Variants in TTC5 observed in about 807,000 individuals in gnomAD.
TTC5 encodes tetratricopeptide repeat domain 5.
Under a neutral mutation model 57.4 loss-of-function variants are expected in TTC5, and 46 were observed. The ratio of observed to expected loss-of-function variants is 0.80; its 90% CI spans 0.63 to 1.03. The LOEUF is 1.03. Among genes scored for constraint, TTC5 ranks in the 50% least tolerant of loss-of-function variants. The pLI is 0.00. For missense variants in TTC5, 504 were observed against 528.1 expected (o/e 0.95, Z 0.45); for synonymous variants, 190 against 203.5 (o/e 0.93, Z 0.57).
chr14:20,289,838 A>T, intron 9 of TTC5, 92 bp from the exon 10 acceptor site: 1 of 1,358,050 alleles, frequency 7.4e-7, no homozygotes, highest in Non-Finnish European at 9.9e-7. Flanking sequence ...TTTCTGCACC[A>T]CCTCCCCTGT....
At chr14:20,296,327 C>T in intron 6 of TTC5, 63 bp downstream of exon 6, 1 of 1,315,438 alleles carries the variant, frequency 7.6e-7, no homozygotes, top group African/African-American at 1.4e-5. Context: ...GTTATCCTCA[C>T]AAGCTAAGAC....
chr14:20,298,620 CA>C (rs1240957738), intron 5 of TTC5, among the ~76,000 whole-genome samples, 176 bp downstream of exon 5: 1 of 152,130 alleles, frequency 6.6e-6, no homozygotes, highest in Non-Finnish European at 1.5e-5. Context: ...TCCTAACACT[CA>C]AGTTATAAGA....
chr14:20,295,743 A>G lies in TTC5; in HGVS notation c.808T>C (p.Phe270Leu), dbSNP rs1594263847. ...PRQREQQLLE[F>L]LDRLTSLLES... The stretch of plus-strand genomic sequence containing the variant: ...AGGAGGCTGGTTAATCTATCCAGGA[A>G]TTCCAGAAGTTGTTGCTCTCGTTGC... The change falls in exon 7 of 10, where the codon TTC (phenylalanine) becomes CTC (leucine). Residue 270 changes from phenylalanine (F) to leucine (L), a missense_variant. Phe to Leu is a conservative substitution (Grantham distance 22). Transcript: ENST00000258821. 1 of 1,613,822 alleles carries G rather than the reference A, an allele frequency of 6.2e-7. No individual in the cohort carries two copies. The highest frequency in any genetic ancestry group is 8.5e-7 in the Non-Finnish European group (1 of 1,179,970).
intron 9 of TTC5, among the ~76,000 whole-genome samples, chr14:20,291,360 G>T (rs1362813562): frequency 6.6e-6 from 1 of 152,112 alleles, no homozygotes; most frequent in Non-Finnish European, 1.5e-5. Context: ...GCCCAGCCTA[G>T]AAACCATTAT....
Position 20,289,662 on chromosome 14 carries a change from C to T in TTC5, c.1288G>A (p.Val430Ile). ...GKPQGSSSQA[V>I]ATVASRPQCE ...TGTGGTCGCGATGCCACTGTGGCAA[C>T]AGCCTGGCTGCTGGATCCCTGAGGC... The change falls in exon 10 of 10, where the codon GTT (valine) becomes ATT (isoleucine). Residue 430 changes from valine to isoleucine, a missense_variant. Physicochemically the swap from Val to Ile is conservative, Grantham distance 29 (BLOSUM62 3). Transcript: ENST00000258821. 1.2e-6 allele frequency: 2 copies of T among 1,613,738 alleles called. No individual in the cohort carries two copies. The highest frequency in any genetic ancestry group is 8.5e-7 in the Non-Finnish European group (1 of 1,179,726).
In TTC5 at chr14:20,292,069, C is replaced by G; in HGVS notation, c.1117G>C (p.Val373Leu). Residue 373 changes from valine to leucine, a missense_variant, in exon 9 of 10, where the codon GTG becomes CTG. By Grantham distance (32) the Val-to-Leu change is conservative. Transcript: ENST00000258821. ...CCAATGAGCACTCCCCAGCTCTGCACTATATTGTACACCATCACTGCATAG... is the reference window on the plus strand; with the variant it reads ...CCAATGAGCACTCCCCAGCTCTGCAGTATATTGTACACCATCACTGCATAG... ...PCYAVMVYNI[V>L]QSWGVLIGDS... The G allele has an allele frequency of 6.2e-7, 1 of 1,600,360 alleles. No individual in the cohort carries two copies. Among genetic ancestry groups the G allele is most frequent in the Non-Finnish European group, 8.5e-7 (1 of 1,173,462 alleles).
At chr14:20,305,086 T>C (rs911001804) in intron 1 of TTC5, among the ~76,000 whole-genome samples, 2 of 152,196 alleles carry the variant, frequency 1.3e-5, no homozygotes, top group Non-Finnish European at 2.9e-5. Context: ...GGGAATAAAA[T>C]GAAGTTAATC....
In TTC5 at chr14:20,286,897, A is replaced by G. The variant is rs1881849539; in HGVS notation, c.*2730T>C. On this transcript the variant is annotated 3_prime_UTR_variant, in exon 10 of 10. Transcript: ENST00000258821. Reference sequence around the variant, plus strand: ...TAGTGGCTTCTAAATATATGAAAAGATGCTCAAGCTCATTAATAATCAGAA... The same window carrying G: ...TAGTGGCTTCTAAATATATGAAAAGGTGCTCAAGCTCATTAATAATCAGAA... 6.6e-6 allele frequency: 1 copy of G among 152,170 alleles called. No individual in the cohort carries two copies. The highest frequency in any genetic ancestry group is 2.1e-4 in the South Asian group (1 of 4,818). 9.4% of individuals were successfully genotyped at this position (152,170 alleles called of 1,614,324 possible).
At chr14:20,302,054 G>A in intron 1 of TTC5, 89 bp from the exon 2 acceptor site, 3 of 1,418,216 alleles carry the variant, frequency 2.1e-6, no homozygotes. Context: ...TCTTGGTCTA[G>A]AAATACCAAT....
chr14:20,293,949 G>A (rs903765447), intron 8 of TTC5: 7 of 152,298 alleles, frequency 4.6e-5, no homozygotes, highest in African/African-American at 1.7e-4. Flanking sequence ...ATGAAGCTTG[G>A]GCTGGAGATA....
intron 1 of TTC5, among the ~76,000 whole-genome samples, chr14:20,303,002 G>T (rs1448994329): frequency 2.6e-5 from 4 of 151,842 alleles, no homozygotes; most frequent in African/African-American, 9.7e-5. Flanking sequence ...AACCATCCTG[G>T]CCATCATGGT....
intron 4 of TTC5, 45 bp downstream of exon 4, chr14:20,299,253 A>C: frequency 6.3e-7 from 1 of 1,595,332 alleles, no homozygotes; most frequent in South Asian, 1.1e-5. Flanking sequence ...CTGATTGAAA[A>C]CATCTGCTCT....
chr14:20,288,235 A>C lies in TTC5; in HGVS notation c.*1392T>G, dbSNP rs1004376962. 3 of 152,238 alleles carry C rather than the reference A, an allele frequency of 2.0e-5. No homozygotes were observed. Among genetic ancestry groups the C allele is most frequent in the African/African-American group, 7.2e-5 (3 of 41,466 alleles). The allele number at this position is 152,238 out of a possible 1,614,324, so 9.4% of individuals were successfully genotyped here. ...TAGATAGATAAAACTTCTCTCATCAATGCATTTCTACCATCCATTCTCTGA... is the reference window on the plus strand; with the variant it reads ...TAGATAGATAAAACTTCTCTCATCACTGCATTTCTACCATCCATTCTCTGA... On this transcript the variant is annotated 3_prime_UTR_variant, in exon 10 of 10. Coordinates refer to ENST00000258821, the MANE Select transcript of TTC5 (RefSeq NM_138376.3).
At chr14:20,303,632 TCC>T (rs568037260) in intron 1 of TTC5, among the ~76,000 whole-genome samples, 23 of 152,322 alleles carry the variant, frequency 1.5e-4, no homozygotes, top group African/African-American at 5.5e-4. Flanking sequence ...TTCTGTTCTC[TCC>T]CATTCTCCTC....
rs750129410 is a variant in TTC5, at chr14:20,299,463, G to C, written c.397-15C>G. 3.7e-6 allele frequency: 6 copies of C among 1,612,068 alleles called. No individual in the cohort carries two copies. Among genetic ancestry groups the C allele is most frequent in the Admixed American group, 3.3e-5 (2 of 60,000 alleles). On this transcript the variant is annotated splice_polypyrimidine_tract_variant and intron_variant, in intron 3 of 9. Transcript: ENST00000258821. ...TTGTTCCTGCACTGCAAATAGGAAG[G>C]GCACATACTCAATCTTCCTGATTCT...
chr14:20,298,670 A>C (rs557053219), intron 5 of TTC5, 127 bp downstream of exon 5: 94 of 668,920 alleles, frequency 1.4e-4, no homozygotes, highest in African/African-American at 1.4e-3. Context: ...GCAAAATCAC[A>C]AAAATGAGAT....
chr14:20,300,170 T>A (rs1274868686), intron 3 of TTC5, among the ~76,000 whole-genome samples: 1 of 122,654 alleles, frequency 8.2e-6, no homozygotes, highest in African/African-American at 3.0e-5. Flanking sequence ...TTTTTTTTTT[T>A]TTTTTTTTTG....
chr14:20,300,926 G>A (rs1466611054), intron 2 of TTC5, 108 bp from the exon 3 acceptor site: 1 of 862,170 alleles, frequency 1.2e-6, no homozygotes. Context: ...AAGAGTTGGG[G>A]AAAATATTTA....
At chr14:20,300,505 A>G (rs1259162602) in intron 3 of TTC5, 102 bp downstream of exon 3, 14 of 1,036,958 alleles carry the variant, frequency 1.4e-5, no homozygotes, top group Admixed American at 2.7e-5. Flanking sequence ...TCCTAGTTCA[A>G]TTTCAGTTCT....
Sources: allele counts gnomAD v4.1 joint callset (sites outside exome capture counted in the v4.1 genomes callset), GRCh38; gene constraint gnomAD v4.1.1; transcripts MANE v1.5; gene names NCBI Gene and HGNC (gene_info 2026-07-23, HGNC 2026-07-21).